Variants in DAB1 observed in about 807,000 individuals in gnomAD.
DAB1 encodes the protein disabled homolog 1.
A neutral mutation model predicts 64.6 loss-of-function variants in DAB1; 15 were observed. The ratio of observed to expected loss-of-function variants is 0.23; its 90% confidence interval spans 0.16 to 0.36. DAB1 has a LOEUF of 0.36. DAB1 is among the 10% of genes least tolerant of loss of function. DAB1 has a pLI of 1.00. For synonymous variants in DAB1, 235 were observed against 251.9 expected, an observed-to-expected ratio of 0.93 and a Z score of 0.64; for missense variants, 596 against 706.7, an observed-to-expected ratio of 0.84 and a Z score of 1.78.
At chr1:57,016,943 T>G (rs184871528) in intron 11 of DAB1, among the ~76,000 whole-genome samples, 1 of 152,238 alleles carries the variant, frequency 6.6e-6, no homozygotes, top group East Asian at 1.9e-4. Flanking sequence ...AGCAACTTGC[T>G]CAGGGTCATA....
At chr1:57,536,196 C>T (rs1361173210) in intron 7 of DAB1, among the ~76,000 whole-genome samples, 1 of 152,186 alleles carries the variant, frequency 6.6e-6, no homozygotes, top group Non-Finnish European at 1.5e-5. Context: ...CACTAAATCA[C>T]AAAATATATC....
At chr1:58,204,781 C>T (rs535838016) in intron 4 of DAB1, among the ~76,000 whole-genome samples, 4 of 152,286 alleles carry the variant, frequency 2.6e-5, no homozygotes, top group African/African-American at 7.2e-5. Flanking sequence ...GCCAACATTA[C>T]AGGATATGAA....
rs1657036862 is a variant in DAB1, at chr1:57,125,287, G to A, written c.306+11256C>T. Among the ~76,000 whole-genome samples, 3 of 152,166 alleles carry A rather than the reference G, an allele frequency of 2.0e-5. No individual in the cohort carries two copies. In the South Asian group the frequency reaches 6.2e-4, roughly 32 times the overall value. On this transcript the variant is annotated intron_variant, in intron 4 of 14. Transcript: ENST00000371236. The stretch of plus-strand genomic sequence containing the variant: ...GGGGAGGGCTCCCTCCTCTGGCAGG[G>A]CACAGGATAAATGAAAGAGGTGAGA...
intron 1 of DAB1, among the ~76,000 whole-genome samples, chr1:57,360,345 T>A (rs911239012): frequency 6.6e-6 from 1 of 152,116 alleles, no homozygotes; most frequent in African/African-American, 2.4e-5. Context: ...CCCATCAGAC[T>A]ACTTTATCTT....
intron 3 of DAB1, among the ~76,000 whole-genome samples, chr1:58,349,589 C>T (rs1644032222): frequency 1.3e-5 from 2 of 152,058 alleles, no homozygotes; most frequent in South Asian, 2.1e-4. Context: ...GGCATTTCTC[C>T]TAATGCTATC....
chr1:58,312,270 A>C (rs527820794), intron 4 of DAB1, among the ~76,000 whole-genome samples: 3 of 152,334 alleles, frequency 2.0e-5, no homozygotes, highest in East Asian at 3.9e-4. Flanking sequence ...AGGGTATTTA[A>C]AGGAAAAATG....
intron 5 of DAB1, among the ~76,000 whole-genome samples, chr1:58,127,113 AG>A (rs1238666192): frequency 1.3e-5 from 2 of 151,186 alleles, no homozygotes; most frequent in Admixed American, 6.6e-5. Context: ...CATCCTCTCC[AG>A]CACCTGTTGT....
intron 7 of DAB1, among the ~76,000 whole-genome samples, chr1:57,495,979 C>G (rs1644225326): frequency 6.6e-6 from 1 of 152,120 alleles, no homozygotes; most frequent in Non-Finnish European, 1.5e-5. Context: ...TGGGTAAGAC[C>G]TGACACATAG....
chr1:57,760,307 AT>A (rs796066259), intron 6 of DAB1, among the ~76,000 whole-genome samples: 136 of 152,296 alleles, frequency 8.9e-4, no homozygotes, highest in African/African-American at 3.2e-3. Flanking sequence ...ATTCCCAAGT[AT>A]ATTTAGCTCA....
intron 1 of DAB1, among the ~76,000 whole-genome samples, chr1:57,832,630 G>A (rs982968725): frequency 6.6e-6 from 1 of 152,226 alleles, no homozygotes; most frequent in African/African-American, 2.4e-5. Context: ...AGGGCATGCT[G>A]TCATTGAATA....
intron 1 of DAB1, among the ~76,000 whole-genome samples, chr1:57,321,645 G>A (rs1675725517): frequency 6.6e-6 from 1 of 152,134 alleles, no homozygotes; most frequent in African/African-American, 2.4e-5. Flanking sequence ...TATGGGTTTT[G>A]AGTCATAAAA....
At chr1:57,515,730 C>T (rs1489994501) in intron 7 of DAB1, among the ~76,000 whole-genome samples, 1 of 152,208 alleles carries the variant, frequency 6.6e-6, no homozygotes, top group Admixed American at 6.5e-5. Flanking sequence ...AACAAATATT[C>T]ATGGATCATC....
intron 3 of DAB1, among the ~76,000 whole-genome samples, chr1:58,353,944 T>C (rs1239622948): frequency 6.6e-6 from 1 of 152,202 alleles, no homozygotes; most frequent in African/African-American, 2.4e-5. Context: ...TGGTGCATTA[T>C]GCCATTCTAC....
chr1:57,983,371 C>A (rs1398392413), intron 5 of DAB1, among the ~76,000 whole-genome samples: 1 of 152,166 alleles, frequency 6.6e-6, no homozygotes, highest in Non-Finnish European at 1.5e-5. Context: ...TTTAAAGTCA[C>A]ACTGAAAGAT....
At chr1:58,257,166 T>G (rs1321227683) in intron 4 of DAB1, among the ~76,000 whole-genome samples, 1 of 152,238 alleles carries the variant, frequency 6.6e-6, no homozygotes, top group African/African-American at 2.4e-5. Context: ...AGGCACTATG[T>G]TCAGTGTGTG....
At position 57,480,139 on chromosome 1, in the gene DAB1, G is replaced by A. The variant is rs548149218; in HGVS notation, n.625+169453C>T. Among the ~76,000 whole-genome samples the A allele has an allele frequency of 8.4e-4, 116 of 137,828 alleles. 1 individual carries two copies. The highest frequency in any genetic ancestry group is 1.3e-3 in the Non-Finnish European group (83 of 65,442). 90.4% of individuals were successfully genotyped at this position (137,828 alleles called of 152,430 possible). On this transcript the variant is annotated intron_variant and non_coding_transcript_variant, in intron 7 of 20. Transcript: ENST00000485760. ...TGCACTCCAGCCTGGGCGACAGAGC[G>A]AAACTCCGTCTCAAAAAAAAAAAAA...
In DAB1 at chr1:56,997,578, G is replaced by A. The variant is rs963785247; in HGVS notation, c.*566C>T. 2.0e-5 allele frequency: 3 copies of A among 152,096 alleles called. No homozygotes were observed. Among genetic ancestry groups the A allele is most frequent in the Non-Finnish European group, 2.9e-5 (2 of 68,034 alleles). 9.4% of individuals were successfully genotyped at this position (152,096 alleles called of 1,614,324 possible). On this transcript the variant is annotated 3_prime_UTR_variant, in exon 15 of 15. Transcript: ENST00000371236. Reference sequence around the variant, plus strand: ...TTTCAAACATGACAAAAAAAGGAAAGGGGGGAAAATGGCAGACCAGGCCCC... The same window carrying A: ...TTTCAAACATGACAAAAAAAGGAAAAGGGGGAAAATGGCAGACCAGGCCCC...
chr1:58,265,356 G>T (rs913347515), intron 4 of DAB1, among the ~76,000 whole-genome samples: 1 of 152,150 alleles, frequency 6.6e-6, no homozygotes, highest in African/African-American at 2.4e-5. Context: ...CTTAAGAGGA[G>T]TCTCTTAGTG....
chr1:58,187,091 A>G (rs1182874434), intron 4 of DAB1, among the ~76,000 whole-genome samples: 1 of 152,190 alleles, frequency 6.6e-6, no homozygotes, highest in African/African-American at 2.4e-5. Context: ...TTATTAGAGA[A>G]GCTCAAAGAG....
Sources: allele counts gnomAD v4.1 joint callset (sites outside exome capture counted in the v4.1 genomes callset), GRCh38; gene constraint gnomAD v4.1.1; transcripts MANE v1.5; gene names NCBI Gene and HGNC (gene_info 2026-07-23, HGNC 2026-07-21).